The following ANKS3 variants were observed in gnomAD, a reference collection of about 807,000 sequenced individuals.
ANKS3 encodes ankyrin repeat and sterile alpha motif domain containing 3, also known as ankyrin repeat and SAM domain-containing protein 3.
In ANKS3, 62 loss-of-function variants were observed where a neutral mutation model predicts 80.7. That is an observed-to-expected ratio of 0.77 (90% confidence interval 0.63 to 0.95). The LOEUF is 0.95. ANKS3 is among the 40% of genes least tolerant of loss of function. The pLI is 0.00. For synonymous variants in ANKS3, 489 were observed against 355.3 expected (o/e 1.38, Z -4.23); for missense variants, 1,150 against 883.6 (o/e 1.30, Z -3.82).
At chr16:4,709,343 T>C (rs1182103389) in intron 7 of ANKS3, among the ~76,000 whole-genome samples, 2 of 150,500 alleles carry the variant, frequency 1.3e-5, no homozygotes, top group African/African-American at 2.5e-5. Flanking sequence ...GAGGTGGAGG[T>C]TGCAGTGAGC....
At chr16:4,725,844 G>A (rs1378683987) in intron 5 of ANKS3, among the ~76,000 whole-genome samples, 1 of 151,590 alleles carries the variant, frequency 6.6e-6, no homozygotes, top group Non-Finnish European at 1.5e-5. Context: ...ATTTTTAGTA[G>A]AGACGGGGTT....
At chr16:4,707,281 C>CTTTT (rs112926809) in intron 7 of ANKS3, among the ~76,000 whole-genome samples, 2 of 135,938 alleles carry the variant, frequency 1.5e-5, no homozygotes, top group Admixed American at 7.5e-5. Context: ...CGGAAGGACA[C>CTTTT]TTTTTTTTTT....
Position 4,701,448 on chromosome 16 carries a change from C to A in ANKS3, c.1105G>T (p.Val369Leu). The change falls in exon 10 of 18, where the codon GTG becomes TTG. Residue 369 changes from valine (V) to leucine (L), a missense_variant. Coordinates refer to ENST00000304283, the MANE Select transcript of ANKS3 (RefSeq NM_133450.4). ...RAQGLSSEAS[V>L]ESNEDSDHAC... ...AGAATCCGTACCTCGTTGCTCTCCA[C>A]AGAAGCTTCGCTGCTGAGCCCCTGG... 1 of 1,606,870 alleles carries A rather than the reference C, an allele frequency of 6.2e-7. No homozygotes were observed. The highest frequency in any genetic ancestry group is 8.5e-7 in the Non-Finnish European group (1 of 1,175,504).
rs2079749188 is a variant in ANKS3, at chr16:4,698,998, T to G, written c.1409+54A>C. On this transcript the variant is annotated intron_variant, in intron 12 of 17. Coordinates refer to ENST00000304283, the MANE Select transcript of ANKS3 (RefSeq NM_133450.4). ...AGCGTCCCAAGAGCGCTTACATGAGTGGGAGTTTGCCCCAACCCCGGGCTG... is the reference window on the plus strand; with the variant it reads ...AGCGTCCCAAGAGCGCTTACATGAGGGGGAGTTTGCCCCAACCCCGGGCTG... 3 of 1,613,662 alleles carry G rather than the reference T, an allele frequency of 1.9e-6. No individual in the cohort carries two copies. In the South Asian group the frequency reaches 3.3e-5, roughly 18 times the overall value.
Position 4,702,053 on chromosome 16 carries a change from C to G in ANKS3, c.1009+49G>C, listed in dbSNP as rs201767122. 5.3e-5 allele frequency: 81 copies of G among 1,528,864 alleles called. No individual in the cohort carries two copies. The African/African-American group carries it at 1.0e-3, about 19-fold the overall frequency. The allele number at this position is 1,528,864 out of a possible 1,614,324, so 94.7% of individuals were successfully genotyped here. A position where few individuals can be genotyped will look rare whatever the true frequency, so the allele number is the denominator to read the frequency against. ...ATAAGTGGGGATGGGCACACAGGAG[C>G]TCCAGGACCTGCCTGAGCCACGGGC... On this transcript the variant is annotated intron_variant, in intron 9 of 17. Transcript: ENST00000304283.
intron 16 of ANKS3, 78 bp downstream of exon 16, chr16:4,697,255 G>A (rs73521445): frequency 1.2e-5 from 18 of 1,541,082 alleles, no homozygotes; most frequent in African/African-American, 2.7e-5. Flanking sequence ...ACACAAACCC[G>A]CTTTCCCTGG....
Position 4,698,443 on chromosome 16 carries a change from C to T in ANKS3, c.1708G>A (p.Val570Ile), listed in dbSNP as rs755011963. The change falls in exon 14 of 18, where the codon GTC becomes ATC. Residue 570 changes from valine to isoleucine, a missense_variant. Val to Ile is a conservative substitution (Grantham distance 29). Transcript: ENST00000304283. ...TWALARDAAL[V>I]LDQLRACQAE... ...GCCACTCACCGCAGCTGGTCCAGGACGAGGGCAGCATCCCGGGCCAGGGCC... is the reference window on the plus strand; with the variant it reads ...GCCACTCACCGCAGCTGGTCCAGGATGAGGGCAGCATCCCGGGCCAGGGCC... The T allele has an allele frequency of 3.3e-5, 50 of 1,532,812 alleles. No individual in the cohort carries two copies. Among genetic ancestry groups the T allele is most frequent in the African/African-American group, 2.7e-4 (20 of 73,258 alleles). The allele number at this position is 1,532,812 out of a possible 1,614,324, so 95.0% of individuals were successfully genotyped here.
At chr16:4,726,570 A>C in intron 5 of ANKS3, 89 bp downstream of exon 5, 1 of 1,462,658 alleles carries the variant, frequency 6.8e-7, no homozygotes. Flanking sequence ...GGTGGCCCTA[A>C]ACTCTGGTTA....
At chr16:4,719,652 A>C (rs1291406767) in intron 6 of ANKS3, among the ~76,000 whole-genome samples, 1 of 151,838 alleles carries the variant, frequency 6.6e-6, no homozygotes, top group Non-Finnish European at 1.5e-5. Flanking sequence ...AAAAAAAAAC[A>C]GCCAGGCGTG....
intron 14 of ANKS3, 139 bp from the exon 15 acceptor site, chr16:4,698,201 A>G: frequency 8.7e-7 from 1 of 1,151,758 alleles, no homozygotes; most frequent in South Asian, 1.6e-5. Flanking sequence ...GTGCCCCATG[A>G]GGCTGCACTA....
At chr16:4,701,676 T>C in intron 9 of ANKS3, 133 bp from the exon 10 acceptor site, 1 of 714,726 alleles carries the variant, frequency 1.4e-6, no homozygotes, top group Admixed American at 2.9e-5. Flanking sequence ...TATTTCAAAC[T>C]TCCTGCCTGT....
chr16:4,724,360 C>T (rs1028675044), intron 6 of ANKS3, among the ~76,000 whole-genome samples: 1 of 152,190 alleles, frequency 6.6e-6, no homozygotes, highest in Non-Finnish European at 1.5e-5. Flanking sequence ...CTTTCCACAG[C>T]AGAGGAAAAG....
chr16:4,730,169 A>G lies in ANKS3; in HGVS notation c.-2-18T>C. 3 of 1,499,408 alleles carry G rather than the reference A, an allele frequency of 2.0e-6. No homozygotes were observed. Among genetic ancestry groups the G allele is most frequent in the Non-Finnish European group, 2.7e-6 (3 of 1,114,002 alleles). The allele number at this position is 1,499,408 out of a possible 1,614,324, so 92.9% of individuals were successfully genotyped here. On this transcript the variant is annotated intron_variant, in intron 2 of 17. Coordinates refer to ENST00000304283, the MANE Select transcript of ANKS3 (RefSeq NM_133450.4). ...GGACATCACTGAGGAGGAAGGCCCA[A>G]GGGTTAGATCTTTCCTGGCTGGTTG...
At position 4,701,595 on chromosome 16, in the gene ANKS3, G is replaced by A. The variant is rs374544479; in HGVS notation, c.1010-52C>T. 9.1e-5 allele frequency: 137 copies of A among 1,510,390 alleles called. No individual in the cohort carries two copies. The African/African-American group carries it at 1.3e-3, about 15-fold the overall frequency. The allele number at this position is 1,510,390 out of a possible 1,614,324, so 93.6% of individuals were successfully genotyped here. ...CCTGCAGCCCTCACCGAGGTGCTGC[G>A]CATGGGCGTGCCCCGGGCTGAGCCG... On this transcript the variant is annotated intron_variant, in intron 9 of 17. Coordinates refer to ENST00000304283, the MANE Select transcript of ANKS3 (RefSeq NM_133450.4).
At chr16:4,719,579 G>A (rs1481447337) in intron 6 of ANKS3, among the ~76,000 whole-genome samples, 4 of 151,872 alleles carry the variant, frequency 2.6e-5, no homozygotes, top group African/African-American at 7.3e-5. Context: ...AAGGTGGGAA[G>A]ATTGCTTGAG....
intron 3 of ANKS3, chr16:4,728,037 C>G (rs57950646): frequency 6.6e-6 from 1 of 152,052 alleles, no homozygotes; most frequent in Non-Finnish European, 1.5e-5. Flanking sequence ...GTCCCTTTTA[C>G]GGGATTCACT....
At chr16:4,730,946 T>C (rs182447657) in intron 2 of ANKS3, among the ~76,000 whole-genome samples, 2 of 151,906 alleles carry the variant, frequency 1.3e-5, no homozygotes, top group East Asian at 3.9e-4. Flanking sequence ...GGGACATATC[T>C]AAAAAGGCTG....
chr16:4,712,706 C>T (rs530401334), intron 7 of ANKS3, among the ~76,000 whole-genome samples: 2 of 152,166 alleles, frequency 1.3e-5, no homozygotes, highest in South Asian at 4.1e-4. Flanking sequence ...TTACAGTCAG[C>T]CTCTCATGTA....
chr16:4,723,699 T>C (rs1439933933), intron 6 of ANKS3, among the ~76,000 whole-genome samples: 1 of 152,266 alleles, frequency 6.6e-6, no homozygotes, highest in Admixed American at 6.5e-5. Context: ...TATCAATTCC[T>C]CAGTAGATGG....
Sources: gnomAD v4.1 joint callset for allele counts (sites outside exome capture counted in the v4.1 genomes callset) on GRCh38, gnomAD v4.1.1 for gene constraint, MANE v1.5 for transcripts, NCBI Gene and HGNC (gene_info 2026-07-23, HGNC 2026-07-21) for gene names.